SHISA6: variants seen among roughly 807,000 people sequenced by gnomAD.
SHISA6 encodes protein shisa-6.
SHISA6 carries 22 observed loss-of-function variants against 47.9 expected under a neutral mutation model. The ratio of observed to expected loss-of-function variants is 0.46; its 90% CI spans 0.33 to 0.66. The LOEUF is 0.66. SHISA6 is among the 30% of genes least tolerant of loss of function. The pLI is 0.02. For missense variants in SHISA6, 680 were observed against 764.6 expected, an observed-to-expected ratio of 0.89 and a Z score of 1.30; for synonymous variants, 388 against 337.8, an observed-to-expected ratio of 1.15 and a Z score of -1.63.
intron 2 of SHISA6, among the ~76,000 whole-genome samples, chr17:11,264,032 A>G (rs1264046997): frequency 6.6e-6 from 1 of 152,216 alleles, no homozygotes; most frequent in African/African-American, 2.4e-5. Flanking sequence ...ATGAGTTGCC[A>G]TAAAATAACA....
At chr17:11,303,419 G>A (rs1252639177) in intron 2 of SHISA6, among the ~76,000 whole-genome samples, 8 of 151,990 alleles carry the variant, frequency 5.3e-5, no homozygotes, top group African/African-American at 1.9e-4. Context: ...CTGGTTGTGA[G>A]CATGTGTGTG....
intron 3 of SHISA6, among the ~76,000 whole-genome samples, chr17:11,412,666 C>G (rs148010332): frequency 2.6e-5 from 4 of 152,024 alleles, no homozygotes; most frequent in Non-Finnish European, 5.9e-5. Flanking sequence ...CTCAGCCTCC[C>G]AAGTAGCTGG....
chr17:11,365,299 T>C (rs1199171842), intron 2 of SHISA6, among the ~76,000 whole-genome samples: 1 of 152,028 alleles, frequency 6.6e-6, no homozygotes, highest in Non-Finnish European at 1.5e-5. Flanking sequence ...ATTATTTGAG[T>C]TGGAGTCTCA....
In SHISA6 at chr17:11,563,818, C is replaced by G. The variant is rs554163378; in HGVS notation, c.*5514C>G. ...ATTCCATGTTTATTATATGGTAGTACTGATGAAAAGTACCTTTCTATCTGT... is the reference window on the plus strand; with the variant it reads ...ATTCCATGTTTATTATATGGTAGTAGTGATGAAAAGTACCTTTCTATCTGT... On this transcript the variant is annotated 3_prime_UTR_variant, in exon 6 of 6. Transcript: ENST00000441885. 6.6e-6 allele frequency: 1 copy of G among 152,182 alleles called. No homozygotes were observed. The highest frequency in any genetic ancestry group is 1.5e-5 in the Non-Finnish European group (1 of 68,036). The allele number at this position is 152,182 out of a possible 1,614,324, so 9.4% of individuals were successfully genotyped here.
intron 3 of SHISA6, among the ~76,000 whole-genome samples, chr17:11,424,229 A>G (rs978914097): frequency 1.3e-5 from 2 of 152,232 alleles, no homozygotes; most frequent in Non-Finnish European, 2.9e-5. Context: ...TTTAAAGCAG[A>G]TAGAAATTAA....
rs143843990 is a variant in SHISA6, at chr17:11,540,543, G to A, written c.896-11353G>A. 6.6e-3 allele frequency among the ~76,000 whole-genome samples: 1,009 copies of A among 152,300 alleles called. 7 individuals carry two copies. Among genetic ancestry groups the A allele is most frequent in the Non-Finnish European group, 0.011 (728 of 68,022 alleles). On this transcript the variant is annotated intron_variant, in intron 3 of 5. Transcript: ENST00000441885. Reference sequence around the variant, plus strand: ...CTTCTACTAGTCCTGGAGCACTACAGTGTCTCTTGGGGGTTCCATACATCC... The same window carrying A: ...CTTCTACTAGTCCTGGAGCACTACAATGTCTCTTGGGGGTTCCATACATCC...
At chr17:11,332,371 T>C (rs1911151969) in intron 2 of SHISA6, among the ~76,000 whole-genome samples, 1 of 152,184 alleles carries the variant, frequency 6.6e-6, no homozygotes, top group Admixed American at 6.5e-5. Flanking sequence ...ACAACTTGCT[T>C]TCTGTCCGTC....
chr17:11,495,514 T>A (rs768958767), intron 3 of SHISA6, among the ~76,000 whole-genome samples: 5 of 152,178 alleles, frequency 3.3e-5, no homozygotes, highest in African/African-American at 4.8e-5. Context: ...ACACATGTGC[T>A]CCTTCTGTTT....
At chr17:11,515,313 AAAGGAAGGAAGGAAGG>A (rs200856515) in intron 3 of SHISA6, among the ~76,000 whole-genome samples, 1,706 of 130,880 alleles carry the variant, frequency 0.013, 21 homozygotes, top group East Asian at 0.037. Flanking sequence ...GAAGAAAGAA[AAAGGAAGGAAGGAAGG>A]AAGGAAGGAA....
intron 2 of SHISA6, among the ~76,000 whole-genome samples, chr17:11,325,395 G>A (rs1910843791): frequency 6.6e-6 from 1 of 152,210 alleles, no homozygotes; most frequent in Non-Finnish European, 1.5e-5. Flanking sequence ...GGCTACCCGA[G>A]GGCATTGGGC....
At chr17:11,535,653 C>T (rs1355789948) in intron 3 of SHISA6, among the ~76,000 whole-genome samples, 1 of 152,224 alleles carries the variant, frequency 6.6e-6, no homozygotes, top group African/African-American at 2.4e-5. Context: ...TTTGCACGTT[C>T]TGGCAAAACC....
chr17:11,473,577 A>T (rs1915978050), intron 3 of SHISA6, among the ~76,000 whole-genome samples: 1 of 152,026 alleles, frequency 6.6e-6, no homozygotes, highest in African/African-American at 2.4e-5. Flanking sequence ...CCTCTCCAAG[A>T]TCCCACCTCC....
chr17:11,296,228 G>A (rs539021475), intron 2 of SHISA6, among the ~76,000 whole-genome samples: 8 of 152,288 alleles, frequency 5.3e-5, no homozygotes, highest in African/African-American at 1.9e-4. Context: ...ATCTTTACAT[G>A]TTTGAAAGAT....
intron 2 of SHISA6, among the ~76,000 whole-genome samples, chr17:11,356,341 TC>T (rs1417770545): frequency 6.6e-6 from 1 of 152,084 alleles, no homozygotes; most frequent in African/African-American, 2.4e-5. Context: ...CTTCAGGTAG[TC>T]CCCTCCAGAG....
At chr17:11,414,208 A>C (rs567418713) in intron 3 of SHISA6, among the ~76,000 whole-genome samples, 1 of 151,812 alleles carries the variant, frequency 6.6e-6, no homozygotes, top group Admixed American at 6.6e-5. Context: ...TGAAATCTTT[A>C]CCAGACCCTA....
At position 11,257,272 on chromosome 17, in the gene SHISA6, A is replaced by G. The variant is rs372777843; in HGVS notation, c.639-6094A>G. Among the ~76,000 whole-genome samples the G allele has an allele frequency of 1.4e-4, 22 of 152,330 alleles. No homozygotes were observed. The East Asian group carries it at 1.5e-3, about 11-fold the overall frequency. On this transcript the variant is annotated intron_variant, in intron 1 of 5. Transcript: ENST00000441885. ...CATTCATTTCAATTGTCCTGGCTAC[A>G]TATTTTAGACAATGGAAGCACTCCG... is the stretch of plus-strand genomic sequence containing the variant.
chr17:11,365,405 G>C (rs1229593209), intron 2 of SHISA6, among the ~76,000 whole-genome samples: 1 of 151,996 alleles, frequency 6.6e-6, no homozygotes, highest in Non-Finnish European at 1.5e-5. Context: ...AGCCTCCCAA[G>C]TAGCTGAGAT....
intron 3 of SHISA6, among the ~76,000 whole-genome samples, chr17:11,488,391 A>G (rs1916402645): frequency 2.0e-5 from 3 of 152,150 alleles, no homozygotes; most frequent in African/African-American, 7.2e-5. Flanking sequence ...TAAAGATTAG[A>G]ATTACTAGTT....
chr17:11,281,497 A>C (rs1909119299), intron 2 of SHISA6, among the ~76,000 whole-genome samples: 1 of 152,166 alleles, frequency 6.6e-6, no homozygotes, highest in South Asian at 2.1e-4. Context: ...TCCAAAGATA[A>C]ATCTTACTTG....
Sources: gnomAD v4.1 joint callset for allele counts (sites outside exome capture counted in the v4.1 genomes callset) on GRCh38, gnomAD v4.1.1 for gene constraint, MANE v1.5 for transcripts, NCBI Gene and HGNC (gene_info 2026-07-23, HGNC 2026-07-21) for gene names.